The following LHX3 variants were observed in gnomAD, a reference collection of about 807,000 sequenced individuals.
LHX3 encodes the protein LIM/homeobox protein Lhx3.
Under a neutral mutation model 32.4 loss-of-function variants are expected in LHX3, and 21 were observed. That is an observed-to-expected ratio of 0.65 (90% CI 0.46 to 0.93). The LOEUF (loss-of-function observed/expected upper bound fraction) is 0.93. Ranked by LOEUF, LHX3 falls within the 40% of genes least tolerant of loss-of-function variation. The pLI is 0.00. For synonymous variants in LHX3, 258 were observed against 246.8 expected, an observed-to-expected ratio of 1.05 and a Z score of -0.43; for missense variants, 626 against 560.0, an observed-to-expected ratio of 1.12 and a Z score of -1.19.
intron 1 of LHX3, chr9:136,201,168 G>C: frequency 1.5e-6 from 2 of 1,365,240 alleles, no homozygotes; most frequent in East Asian, 2.7e-5. Flanking sequence ...CCATCACCTG[G>C]AGCTGGGGCA....
intron 1 of LHX3, among the ~76,000 whole-genome samples, chr9:136,204,062 G>A (rs1353422587): frequency 6.6e-6 from 1 of 152,246 alleles, no homozygotes; most frequent in Admixed American, 6.5e-5. Context: ...CACACAGGAA[G>A]GGTTGGGGGA....
chr9:136,197,639 A>C lies in LHX3; in HGVS notation c.880T>G (p.Ser294Ala). Reference sequence around the variant, plus strand: ...CCTGCCAGGCCTCCATGCTCCAGGGAGAAGTTGCCCAGGGCTCCCGAGGGC... The same window carrying C: ...CCTGCCAGGCCTCCATGCTCCAGGGCGAAGTTGCCCAGGGCTCCCGAGGGC... ...GRPSGALGNFSLEHGGLAGPE... is the reference protein window; with the variant it reads ...GRPSGALGNFALEHGGLAGPE... Residue 294 changes from serine to alanine, a missense_variant, in exon 6 of 6, where the codon TCC becomes GCC. Ser to Ala is a moderately conservative substitution (Grantham distance 99). Coordinates refer to ENST00000371748, the MANE Select transcript of LHX3 (RefSeq NM_178138.6). The C allele has an allele frequency of 1.3e-6, 2 of 1,589,340 alleles. No homozygotes were observed. Among genetic ancestry groups the C allele is most frequent in the African/African-American group, 1.3e-5 (1 of 74,434 alleles).
rs755449495 is a variant in LHX3, at chr9:136,199,829, C to T, written c.303G>A (p.Gln101=). The T allele has an allele frequency of 3.1e-6, 5 of 1,609,852 alleles. No individual in the cohort carries two copies. The highest frequency in any genetic ancestry group is 2.2e-5 in the East Asian group (1 of 44,722). Residue 101 remains glutamine (Q), a synonymous_variant, in exon 3 of 6, where the codon CAG becomes CAA. Coordinates refer to ENST00000371748, the MANE Select transcript of LHX3 (RefSeq NM_178138.6). The part of the protein sequence containing the change: ...AACQLGIPPT[Q]VVRRAQDFVY... The stretch of plus-strand genomic sequence containing the variant: ...CGAAGTCCTGGGCGCGGCGCACCAC[C>T]TGCGTGGGCGGGATGCCCAGCTGGC...
At chr9:136,203,114 C>G (rs1169296170) in intron 1 of LHX3, 1 of 1,446,120 alleles carries the variant, frequency 6.9e-7, no homozygotes, top group Non-Finnish European at 9.1e-7. Context: ...CCGCAATAGC[C>G]CCGAACCGGC....
At position 136,197,611 on chromosome 9, in the gene LHX3, G is replaced by C; in HGVS notation, c.908C>G (p.Pro303Arg). ...FSLEHGGLAG[P>R]EQYRELRPGS... ...GGGACGCAGCTCTCGGTACTGCTCT[G>C]GGCCTGCCAGGCCTCCATGCTCCAG... Residue 303 changes from proline to arginine, a missense_variant, in exon 6 of 6, where the codon CCA becomes CGA. Pro to Arg is a moderately radical substitution (Grantham distance 103). Coordinates refer to ENST00000371748, the MANE Select transcript of LHX3 (RefSeq NM_178138.6). The C allele has an allele frequency of 6.4e-7, 1 of 1,562,626 alleles. No individual in the cohort carries two copies. Among genetic ancestry groups the C allele is most frequent in the East Asian group, 2.4e-5 (1 of 42,118 alleles).
chr9:136,200,387 C>A (rs1831610878), intron 2 of LHX3, 195 bp downstream of exon 2: 3 of 631,130 alleles, frequency 4.8e-6, no homozygotes, highest in Non-Finnish European at 8.3e-6. Flanking sequence ...GGCCCAGCCA[C>A]CCAGGGAGCA....
intron 1 of LHX3, among the ~76,000 whole-genome samples, chr9:136,201,962 C>T (rs1031099976): frequency 2.0e-5 from 3 of 151,916 alleles, no homozygotes; most frequent in Non-Finnish European, 2.9e-5. Context: ...CGCCGGCGCC[C>T]GCGTCGGGCA....
At chr9:136,203,111 A>G (rs1831685453) in intron 1 of LHX3, 4 of 1,343,044 alleles carry the variant, frequency 3.0e-6, no homozygotes, top group South Asian at 2.7e-5. Flanking sequence ...ACCCCGCAAT[A>G]GCCCCGAACC....
Position 136,199,659 on chromosome 9 carries a change from C to T in LHX3, c.454+19G>A. On this transcript the variant is annotated intron_variant, in intron 3 of 5. Coordinates refer to ENST00000371748, the MANE Select transcript of LHX3 (RefSeq NM_178138.6). ...TTTTTCAGACCAGGAAAGGTGGGAG[C>T]GTCGTCCCCTCGGCTGACCTCGCTG... The T allele has an allele frequency of 6.2e-7, 1 of 1,611,608 alleles. No individual in the cohort carries two copies. The highest frequency in any genetic ancestry group is 2.2e-5 in the East Asian group (1 of 44,862).
Position 136,200,618 on chromosome 9 carries a change from C to T in LHX3, c.215G>A (p.Arg72Gln), listed in dbSNP as rs769081925. 23 of 1,613,488 alleles carry T rather than the reference C, an allele frequency of 1.4e-5. No homozygotes were observed. Among genetic ancestry groups the T allele is most frequent in the East Asian group, 2.2e-5 (1 of 44,904 alleles). Residue 72 changes from arginine (R) to glutamine (Q), a missense_variant, in exon 2 of 6, where the codon CGA becomes CAA. Arg to Gln is a conservative substitution (Grantham distance 43). Coordinates refer to ENST00000371748, the MANE Select transcript of LHX3 (RefSeq NM_178138.6). ...GTCCTTGCAGTAAACGCTCTCCCCTCGGCTGAAGCAGCGCTCGGCCAGTGG... is the reference window on the plus strand; with the variant it reads ...GTCCTTGCAGTAAACGCTCTCCCCTTGGCTGAAGCAGCGCTCGGCCAGTGG... ...HTPLAERCFS[R>Q]GESVYCKDDF...
intron 5 of LHX3, 79 bp downstream of exon 5, chr9:136,198,573 T>C (rs1415609251): frequency 1.4e-6 from 2 of 1,463,120 alleles, no homozygotes; most frequent in Non-Finnish European, 1.9e-6. Context: ...GAAATTCAGA[T>C]CCGCGGGCTC....
chr9:136,203,044 C>T (rs1340574674), intron 1 of LHX3: 1 of 1,517,702 alleles, frequency 6.6e-7, no homozygotes, highest in South Asian at 1.2e-5. Context: ...CTCCATGGGT[C>T]CCGCCGCCCG....
intron 1 of LHX3, chr9:136,201,796 C>T: frequency 2.6e-6 from 2 of 770,612 alleles, no homozygotes; most frequent in Non-Finnish European, 3.2e-6. Flanking sequence ...AACCGCAGCT[C>T]CGGGTGCGGA....
intron 4 of LHX3, 29 bp downstream of exon 4, chr9:136,198,879 G>A (rs1407287334): frequency 8.8e-6 from 14 of 1,591,636 alleles, no homozygotes; most frequent in Non-Finnish European, 1.2e-5. Context: ...AAGGCCGCGG[G>A]CGGGAGGGAA....
At chr9:136,204,703 T>C (rs1490052159) in intron 1 of LHX3, among the ~76,000 whole-genome samples, 4 of 152,080 alleles carry the variant, frequency 2.6e-5, no homozygotes, top group African/African-American at 9.7e-5. Flanking sequence ...ATGCCCCCTT[T>C]TTTTCTAGGG....
At position 136,196,309 on chromosome 9, in the gene LHX3, TAA is replaced by T. The variant is rs2131028079; in HGVS notation, c.*1014_*1015del. On this transcript the variant is annotated 3_prime_UTR_variant, in exon 6 of 6. Coordinates refer to ENST00000371748, the MANE Select transcript of LHX3 (RefSeq NM_178138.6). ...AAAGAGCTGATCACCCGAGAATAAA[TAA>T]AAGACACAGAACATTCACAGAACCA... The T allele has an allele frequency of 6.6e-6, 1 of 152,466 alleles. No individual in the cohort carries two copies. Among genetic ancestry groups the T allele is most frequent in the East Asian group, 1.9e-4 (1 of 5,320 alleles). The allele number at this position is 152,466 out of a possible 1,614,324, so 9.4% of individuals were successfully genotyped here.
At chr9:136,198,360 C>T (rs533465194) in intron 5 of LHX3, among the ~76,000 whole-genome samples, 105 of 152,336 alleles carry the variant, frequency 6.9e-4, no homozygotes, top group African/African-American at 2.4e-3. Flanking sequence ...GCCAGAGAGA[C>T]GGCCTGGACA....
At chr9:136,199,964 C>A (rs1213819022) in intron 2 of LHX3, 84 bp from the exon 3 acceptor site, 2 of 1,400,514 alleles carry the variant, frequency 1.4e-6, no homozygotes, top group Non-Finnish European at 2.0e-6. Context: ...CAAGCGGCTG[C>A]CTGGGAAGGC....
rs1444524043 is a variant in LHX3 at position 136,198,958 on chromosome 9, C to G, written c.556G>C (p.Val186Leu). ...YNTSPKPARH[V>L]REQLSSETGL... Reference sequence around the variant, plus strand: ...GTCTCGGACGAGAGCTGCTCGCGCACGTGGCGCGCCGGCTTGGGCGAGGTG... The same window carrying G: ...GTCTCGGACGAGAGCTGCTCGCGCAGGTGGCGCGCCGGCTTGGGCGAGGTG... Residue 186 changes from valine (V) to leucine (L), a missense_variant, in exon 4 of 6, where the codon GTG becomes CTG. Physicochemically the swap from Val to Leu is conservative, Grantham distance 32 (BLOSUM62 1). Coordinates refer to ENST00000371748, the MANE Select transcript of LHX3 (RefSeq NM_178138.6). The G allele has an allele frequency of 6.3e-7, 1 of 1,588,202 alleles. No individual in the cohort carries two copies. The highest frequency in any genetic ancestry group is 1.1e-5 in the South Asian group (1 of 88,538).
Sources: gnomAD v4.1 joint callset for allele counts (sites outside exome capture counted in the v4.1 genomes callset) on GRCh38, gnomAD v4.1.1 for gene constraint, MANE v1.5 for transcripts, NCBI Gene and HGNC (gene_info 2026-07-23, HGNC 2026-07-21) for gene names.